The following PTPRM variants were observed in gnomAD, a reference collection of about 807,000 sequenced individuals.
The protein encoded by PTPRM is receptor-type tyrosine-protein phosphatase mu.
A neutral mutation model predicts 186.7 loss-of-function variants in PTPRM; 47 were observed. That is an observed-to-expected ratio of 0.25 (90% CI 0.20 to 0.32). The LOEUF is 0.32. PTPRM is among the 10% of genes least tolerant of loss of function. The pLI is 1.00. For synonymous variants in PTPRM, 668 were observed against 674.9 expected, an observed-to-expected ratio of 0.99 and a Z score of 0.16; for missense variants, 1,494 against 1,865.0, an observed-to-expected ratio of 0.80 and a Z score of 3.66.
At chr18:7,792,751 A>G (rs1252282116) in intron 2 of PTPRM, among the ~76,000 whole-genome samples, 1 of 151,864 alleles carries the variant, frequency 6.6e-6, no homozygotes, top group Non-Finnish European at 1.5e-5. Flanking sequence ...TGCAGCCTTC[A>G]CCTCCCCAGG....
intron 31 of PTPRM, 130 bp downstream of exon 31, chr18:8,387,365 A>G: frequency 2.1e-6 from 2 of 942,178 alleles, no homozygotes. Context: ...AGGGGTGATC[A>G]TGACACTCAG....
At chr18:7,863,852 C>G (rs1474194947) in intron 2 of PTPRM, among the ~76,000 whole-genome samples, 2 of 152,182 alleles carry the variant, frequency 1.3e-5, no homozygotes, top group African/African-American at 4.8e-5. Flanking sequence ...CACATCCTCT[C>G]CAGCATCTAT....
chr18:8,371,093 C>T (rs1054586984), intron 24 of PTPRM, 87 bp downstream of exon 24: 2 of 712,526 alleles, frequency 2.8e-6, no homozygotes, highest in Middle Eastern at 3.9e-4. Context: ...ATACTTTACA[C>T]ATGCTCATAT....
intron 20 of PTPRM, among the ~76,000 whole-genome samples, chr18:8,301,547 C>G (rs2095158193): frequency 3.3e-5 from 5 of 152,222 alleles, no homozygotes; most frequent in Admixed American, 3.3e-4. Flanking sequence ...CCTTCCTCCT[C>G]TCTTCTGATC....
intron 5 of PTPRM, among the ~76,000 whole-genome samples, chr18:7,931,594 A>G (rs1391450858): frequency 1.3e-5 from 2 of 152,148 alleles, no homozygotes; most frequent in African/African-American, 2.4e-5. Context: ...CCAGCTACTC[A>G]GGAGGCTGAG....
chr18:8,286,045 G>A (rs1007006794), intron 19 of PTPRM, among the ~76,000 whole-genome samples: 7 of 152,142 alleles, frequency 4.6e-5, no homozygotes, highest in Non-Finnish European at 8.8e-5. Context: ...GCATATACAC[G>A]AGTTAAATTT....
intron 7 of PTPRM, among the ~76,000 whole-genome samples, chr18:7,989,678 A>G (rs909048776): frequency 6.6e-6 from 1 of 152,110 alleles, no homozygotes; most frequent in African/African-American, 2.4e-5. Context: ...CATTTTTCTT[A>G]AAACTTCTGG....
chr18:7,643,919 T>C (rs1243975371), intron 1 of PTPRM, among the ~76,000 whole-genome samples: 1 of 152,158 alleles, frequency 6.6e-6, no homozygotes, highest in Admixed American at 6.5e-5. Flanking sequence ...CAATTTAATA[T>C]TGATGAAATC....
chr18:8,147,207 A>T (rs2092906614), intron 14 of PTPRM, among the ~76,000 whole-genome samples: 1 of 152,110 alleles, frequency 6.6e-6, no homozygotes, highest in African/African-American at 2.4e-5. Flanking sequence ...AGCTTGATGG[A>T]GATAGCATTG....
chr18:7,857,368 T>C (rs545791403), intron 2 of PTPRM, among the ~76,000 whole-genome samples: 34 of 152,326 alleles, frequency 2.2e-4, no homozygotes, highest in African/African-American at 7.9e-4. Context: ...GCAGGCTGAT[T>C]GCCCTGTAGT....
intron 3 of PTPRM, among the ~76,000 whole-genome samples, chr18:7,889,341 T>C (rs952216483): frequency 6.9e-6 from 1 of 145,430 alleles, no homozygotes; most frequent in African/African-American, 2.5e-5. Context: ...TTCTTTTTTT[T>C]TTTTTTTTTT....
At chr18:7,641,425 A>G (rs908915559) in intron 1 of PTPRM, among the ~76,000 whole-genome samples, 2 of 152,222 alleles carry the variant, frequency 1.3e-5, no homozygotes, top group African/African-American at 4.8e-5. Context: ...TGCATAATAT[A>G]TCAAGATATG....
intron 1 of PTPRM, among the ~76,000 whole-genome samples, chr18:7,709,155 A>G (rs1021383428): frequency 6.6e-6 from 1 of 152,146 alleles, no homozygotes; most frequent in South Asian, 2.1e-4. Context: ...AGGCCATATG[A>G]TAGACCACAA....
rs778553255 is a variant in PTPRM, at chr18:8,069,697, G to A, written c.1144G>A (p.Gly382Ser). Reference protein sequence around the residue: ...TRTKCADPMRGPRKLEVVEVK... With the variant: ...TRTKCADPMRSPRKLEVVEVK... Reference sequence around the variant, plus strand: ...TCTTTTCTAAATAGATCCCATGCGAGGCCCAAGAAAACTAGAAGTAGTGGA... The same window carrying A: ...TCTTTTCTAAATAGATCCCATGCGAAGCCCAAGAAAACTAGAAGTAGTGGA... The change falls in exon 8 of 33, where the codon GGC becomes AGC. Residue 382 changes from glycine (G) to serine (S), a missense_variant. Around this residue, in one of 3 missense-constraint regions of PTPRM, gnomAD observed 91 missense variants for 169.3 expected, o/e 0.54. Coordinates refer to ENST00000580170, the MANE Select transcript of PTPRM (RefSeq NM_001105244.2). 1 of 1,611,710 alleles carries A rather than the reference G, an allele frequency of 6.2e-7. No homozygotes were observed. Among genetic ancestry groups the A allele is most frequent in the East Asian group, 2.2e-5 (1 of 44,834 alleles).
chr18:8,098,121 A>G (rs2091100887), intron 11 of PTPRM, among the ~76,000 whole-genome samples: 1 of 152,112 alleles, frequency 6.6e-6, no homozygotes, highest in South Asian at 2.1e-4. Context: ...TGTACCATCT[A>G]GGGTTTTGTA....
chr18:7,963,423 T>C (rs1436987493), intron 7 of PTPRM, among the ~76,000 whole-genome samples: 4 of 152,182 alleles, frequency 2.6e-5, no homozygotes, highest in Admixed American at 1.3e-4. Flanking sequence ...CTCTAAAAAG[T>C]GTGGACAGAT....
At chr18:8,392,188 A>T (rs897759152) in intron 31 of PTPRM, among the ~76,000 whole-genome samples, 5 of 151,280 alleles carry the variant, frequency 3.3e-5, no homozygotes, top group Non-Finnish European at 7.3e-5. Context: ...TGTAAGAAAC[A>T]ATCTGAGAGT....
intron 1 of PTPRM, among the ~76,000 whole-genome samples, chr18:7,654,134 G>C (rs558616549): frequency 2.8e-4 from 43 of 152,064 alleles, no homozygotes; most frequent in African/African-American, 9.4e-4. Context: ...AATTATCTCT[G>C]TTCTTGTCTT....
chr18:7,962,605 G>T (rs1221436911), intron 7 of PTPRM, among the ~76,000 whole-genome samples: 1 of 152,186 alleles, frequency 6.6e-6, no homozygotes, highest in African/African-American at 2.4e-5. Flanking sequence ...GAAATGAGTA[G>T]TGACAGGTTC....
Sources: allele counts gnomAD v4.1 joint callset (sites outside exome capture counted in the v4.1 genomes callset), GRCh38; gene constraint gnomAD v4.1.1; regional missense constraint gnomAD v4.1.1; transcripts MANE v1.5; gene names NCBI Gene and HGNC (gene_info 2026-07-23, HGNC 2026-07-21).